PDIA3: variants seen among roughly 807,000 people sequenced by gnomAD.
The protein encoded by PDIA3 is protein disulfide isomerase family A member 3.
In PDIA3, 16 loss-of-function variants were observed where a neutral mutation model predicts 56.9. The ratio of observed to expected loss-of-function variants is 0.28; its 90% CI spans 0.19 to 0.43. PDIA3 has a LOEUF of 0.43. Ranked by LOEUF, PDIA3 falls within the 20% of genes least tolerant of loss-of-function variation. PDIA3 has a pLI of 1.00. For synonymous variants in PDIA3, 192 were observed against 216.5 expected (o/e 0.89, Z 0.99); for missense variants, 485 against 621.3 (o/e 0.78, Z 2.33).
intron 5 of PDIA3, 58 bp from the exon 6 acceptor site, chr15:43,765,392 G>A (rs2086841402): frequency 5.3e-6 from 5 of 939,406 alleles, no homozygotes; most frequent in Admixed American, 2.0e-5. Flanking sequence ...AAAAAAAAAA[G>A]ATGGGAGACA....
chr15:43,766,545 A>T (rs1215915736), intron 7 of PDIA3, among the ~76,000 whole-genome samples, 183 bp from the exon 8 acceptor site: 1 of 152,248 alleles, frequency 6.6e-6, no homozygotes, highest in African/African-American at 2.4e-5. Context: ...AGTGAAGTTC[A>T]GTAAGGCATT....
At chr15:43,763,260 A>G in intron 5 of PDIA3, 54 bp downstream of exon 5, 1 of 1,574,348 alleles carries the variant, frequency 6.4e-7, no homozygotes, top group African/African-American at 1.3e-5. Context: ...AACTGGTGAT[A>G]CTGATTGACT....
chr15:43,756,772 G>T lies in PDIA3; in HGVS notation c.364+6G>T. On this transcript the variant is annotated splice_donor_region_variant and intron_variant, in intron 3 of 12. Transcript: ENST00000300289. ...TGATGGACCTAGGACTGCTGGTAAG[G>T]ATCCTGAATTACATTCTGGAAACTG... 3 of 1,421,460 alleles carry T rather than the reference G, an allele frequency of 2.1e-6. No individual in the cohort carries two copies. The highest frequency in any genetic ancestry group is 3.0e-6 in the Non-Finnish European group (3 of 1,009,772). 88.1% of individuals were successfully genotyped at this position (1,421,460 alleles called of 1,614,324 possible). A position where few individuals can be genotyped will look rare whatever the true frequency, so the allele number is the denominator to read the frequency against.
intron 3 of PDIA3, among the ~76,000 whole-genome samples, chr15:43,760,732 C>T (rs2086809601): frequency 1.3e-5 from 2 of 151,046 alleles, no homozygotes; most frequent in Admixed American, 1.3e-4. Flanking sequence ...GGGGTTTCAC[C>T]GTGTTAGCCA....
intron 2 of PDIA3, among the ~76,000 whole-genome samples, chr15:43,756,228 CA>C (rs2141648046): frequency 6.6e-6 from 1 of 152,220 alleles, no homozygotes; most frequent in East Asian, 1.9e-4. Flanking sequence ...AGATGATTTG[CA>C]AAATCAAATT....
At position 43,767,124 on chromosome 15, in the gene PDIA3, T is replaced by C. The variant is rs7170167; in HGVS notation, c.1028+214T>C. 0.16 allele frequency among the ~76,000 whole-genome samples: 24,584 copies of C among 151,806 alleles called. 2,602 individuals carry two copies. The highest frequency in any genetic ancestry group is 0.29 in the African/African-American group (12,025 of 41,348). On this transcript the variant is annotated intron_variant, in intron 8 of 12. Transcript: ENST00000300289. Reference sequence around the variant, plus strand: ...CAGCACTTTGGGAGGCCAAGGCAGGTGGATCGCCTAAGGTCGGGAGTTCGA... The same window carrying C: ...CAGCACTTTGGGAGGCCAAGGCAGGCGGATCGCCTAAGGTCGGGAGTTCGA...
intron 4 of PDIA3, among the ~76,000 whole-genome samples, chr15:43,762,481 A>G (rs1233505911): frequency 6.6e-6 from 1 of 151,366 alleles, no homozygotes; most frequent in African/African-American, 2.4e-5. Flanking sequence ...ATTGTACTCC[A>G]GCCTGGGCAA....
In PDIA3 at chr15:43,746,518, G is replaced by A. The variant is rs2086705944; in HGVS notation, c.-22G>A. 1 of 1,567,678 alleles carries A rather than the reference G, an allele frequency of 6.4e-7. No individual in the cohort carries two copies. Among genetic ancestry groups the A allele is most frequent in the Non-Finnish European group, 8.6e-7 (1 of 1,159,810 alleles). ...CAGCCGAGCCGCGACCCTTCCGGCC[G>A]TCCCCACCCCACCTCGCCGCCATGC... On this transcript the variant is annotated 5_prime_UTR_variant, in exon 1 of 13. Coordinates refer to ENST00000300289, the MANE Select transcript of PDIA3 (RefSeq NM_005313.5).
intron 3 of PDIA3, among the ~76,000 whole-genome samples, chr15:43,759,237 C>T (rs892821128): frequency 2.0e-5 from 3 of 152,094 alleles, no homozygotes; most frequent in East Asian, 1.9e-4. Context: ...TTGCAGTAAG[C>T]GGAGATAGCA....
At chr15:43,763,782 AG>A (rs1186364941) in intron 5 of PDIA3, among the ~76,000 whole-genome samples, 2 of 150,916 alleles carry the variant, frequency 1.3e-5, no homozygotes, top group East Asian at 2.2e-4. Context: ...CTTATGGGGT[AG>A]GGGGGTAATA....
chr15:43,761,340 T>G (rs190764579), intron 3 of PDIA3, 84 bp from the exon 4 acceptor site: 1 of 725,826 alleles, frequency 1.4e-6, no homozygotes, highest in African/African-American at 1.8e-5. Context: ...CTTTTGTACC[T>G]TCTGAATTGT....
At position 43,762,419 on chromosome 15, in the gene PDIA3, G is replaced by A. The variant is rs184037410; in HGVS notation, c.473-658G>A. ...TCAGCTACTCGGGAGGCTGAGGCAG[G>A]AGAAACGCTTGAACCCGGGAGGCGG... On this transcript the variant is annotated intron_variant, in intron 4 of 12. Transcript: ENST00000300289. Among the ~76,000 whole-genome samples the A allele has an allele frequency of 3.5e-3, 538 of 151,772 alleles. 3 individuals are homozygous for A. Among genetic ancestry groups the A allele is most frequent in the African/African-American group, 0.012 (511 of 41,384 alleles).
At chr15:43,757,960 A>T (rs2086790578) in intron 3 of PDIA3, among the ~76,000 whole-genome samples, 1 of 150,752 alleles carries the variant, frequency 6.6e-6, no homozygotes, top group Non-Finnish European at 1.5e-5. Flanking sequence ...AAACAACGAA[A>T]TAGGCCGGGC....
intron 4 of PDIA3, among the ~76,000 whole-genome samples, chr15:43,762,345 C>T (rs1291727977): frequency 6.6e-6 from 1 of 152,048 alleles, no homozygotes; most frequent in Non-Finnish European, 1.5e-5. Context: ...AACCCTGTCT[C>T]TACTAAAAAT....
intron 1 of PDIA3, chr15:43,751,459 C>T (rs2086743834): frequency 4.0e-6 from 2 of 497,316 alleles, no homozygotes; most frequent in South Asian, 3.5e-5. Flanking sequence ...CTGCCAGGTG[C>T]CATCCCTGAG....
chr15:43,754,153 T>C (rs2086761947), intron 2 of PDIA3, among the ~76,000 whole-genome samples: 2 of 152,180 alleles, frequency 1.3e-5, no homozygotes, highest in Admixed American at 1.3e-4. Context: ...CCCAGCACTT[T>C]GGGAGGCCGA....
Position 43,770,840 on chromosome 15 carries a change from G to A in PDIA3, c.1404+260G>A, listed in dbSNP as rs536258113. 2.0e-5 allele frequency among the ~76,000 whole-genome samples: 3 copies of A among 152,104 alleles called. No homozygotes were observed. The East Asian group carries it at 5.8e-4, about 29-fold the overall frequency. On this transcript the variant is annotated intron_variant, in intron 12 of 12. Coordinates refer to ENST00000300289, the MANE Select transcript of PDIA3 (RefSeq NM_005313.5). ...AATTTTGTATTTTTAGTAGAGATGG[G>A]GTTTCTCCATGTTGGTTGGGCTGGT...
intron 1 of PDIA3, among the ~76,000 whole-genome samples, chr15:43,751,180 C>T (rs2086741867): frequency 6.6e-6 from 1 of 151,650 alleles, no homozygotes; most frequent in South Asian, 2.1e-4. Flanking sequence ...TACTTGTAAT[C>T]CCCACCCCGA....
At chr15:43,751,904 T>A in intron 1 of PDIA3, 1 of 475,698 alleles carries the variant, frequency 2.1e-6, no homozygotes, top group Non-Finnish European at 3.5e-6. Context: ...AACAATTAAC[T>A]CATAAATCTG....
Sources: gnomAD v4.1 joint callset for allele counts (sites outside exome capture counted in the v4.1 genomes callset) on GRCh38, gnomAD v4.1.1 for gene constraint, MANE v1.5 for transcripts, NCBI Gene and HGNC (gene_info 2026-07-23, HGNC 2026-07-21) for gene names.